The following ACTR3C variants were observed in gnomAD, a reference collection of about 807,000 sequenced individuals.
The protein encoded by ACTR3C is actin related protein 3C.
In ACTR3C, 18 loss-of-function variants were observed where a neutral mutation model predicts 26.3. That is an observed-to-expected ratio of 0.68 (90% confidence interval 0.47 to 1.01). ACTR3C has a LOEUF of 1.01. Ranked by LOEUF, ACTR3C falls within the 50% of genes least tolerant of loss-of-function variation. ACTR3C has a pLI of 0.00. For missense variants in ACTR3C, 184 were observed against 250.7 expected, an observed-to-expected ratio of 0.73 and a Z score of 1.80; for synonymous variants, 55 against 94.5, an observed-to-expected ratio of 0.58 and a Z score of 2.42.
At chr7:150,149,157 A>T in the ACTR3C span, among the ~76,000 whole-genome samples, 1 of 138,180 alleles carries the variant, frequency 7.2e-6, no homozygotes, top group Non-Finnish European at 1.5e-5. Context: ...CTCTCTTTGA[A>T]TTGCTGGATT....
At chr7:150,252,388 T>C (rs1208675735) in intron 6 of ACTR3C, among the ~76,000 whole-genome samples, 1 of 152,154 alleles carries the variant, frequency 6.6e-6, no homozygotes, top group Non-Finnish European at 1.5e-5. Flanking sequence ...TAATAAGGGC[T>C]ACAGGAGCTT....
At chr7:150,275,469 G>A (rs539748128) in intron 6 of ACTR3C, among the ~76,000 whole-genome samples, 18 of 152,298 alleles carry the variant, frequency 1.2e-4, no homozygotes, top group African/African-American at 2.2e-4. Context: ...CCAGCACTTC[G>A]GGAGGCCGAG....
At chr7:150,071,104 A>G in the ACTR3C span, among the ~76,000 whole-genome samples, 1 of 148,496 alleles carries the variant, frequency 6.7e-6, no homozygotes, top group Non-Finnish European at 1.5e-5. Flanking sequence ...CAAAATTGCT[A>G]ATTTTTGACA....
the ACTR3C span, among the ~76,000 whole-genome samples, chr7:149,910,321 G>C: frequency 6.6e-6 from 1 of 152,182 alleles, no homozygotes; most frequent in Non-Finnish European, 1.5e-5. Flanking sequence ...TCTGACAAGA[G>C]CATCTCTTCA....
At chr7:150,039,338 T>C in the ACTR3C span, among the ~76,000 whole-genome samples, 1 of 144,164 alleles carries the variant, frequency 6.9e-6, no homozygotes, top group Non-Finnish European at 1.5e-5. Flanking sequence ...TAGCTCTCAG[T>C]CCCCACCCTC....
chr7:150,265,161 A>C (rs199946958), intron 6 of ACTR3C, among the ~76,000 whole-genome samples: 2,838 of 148,058 alleles, frequency 0.019, 45 homozygotes, highest in East Asian at 0.029. Flanking sequence ...TTGTAACAGA[A>C]GACATCATCA....
the ACTR3C span, among the ~76,000 whole-genome samples, chr7:150,094,984 C>T: frequency 5.2e-3 from 752 of 143,962 alleles, 29 homozygotes; most frequent in African/African-American, 0.02. Flanking sequence ...CCAGCCCCCA[C>T]CAGCAACCAT....
chr7:149,917,635 CTT>C, the ACTR3C span, among the ~76,000 whole-genome samples: 11 of 93,638 alleles, frequency 1.2e-4, no homozygotes, highest in African/African-American at 2.7e-4. Context: ...TGTTTTACAT[CTT>C]TTTTTTTTTT....
At chr7:150,030,861 G>A in the ACTR3C span, among the ~76,000 whole-genome samples, 4 of 152,106 alleles carry the variant, frequency 2.6e-5, no homozygotes, top group Non-Finnish European at 5.9e-5. Context: ...GGTGTTCTTC[G>A]TGGCATAGAG....
chr7:150,141,336 T>G, the ACTR3C span, among the ~76,000 whole-genome samples: 1 of 152,052 alleles, frequency 6.6e-6, no homozygotes, highest in Admixed American at 6.5e-5. Context: ...CCCTCCAAAA[T>G]AGGTGGACCC....
the ACTR3C span, among the ~76,000 whole-genome samples, chr7:150,046,411 T>C: frequency 7.7e-6 from 1 of 129,232 alleles, no homozygotes; most frequent in African/African-American, 3.0e-5. Flanking sequence ...GGAAACAGCA[T>C]GGCTGGAGGC....
At position 150,266,680 on chromosome 7, in the gene ACTR3C, A is replaced by G. The variant is rs530861761; in HGVS notation, c.565-17626T>C. On this transcript the variant is annotated intron_variant, in intron 6 of 7. Coordinates refer to ENST00000683684, the MANE Select transcript of ACTR3C (RefSeq NM_001164458.2). ...AATCTGCAACACATAAATCTGACAA[A>G]GAATTTGTATCTAGGATATCTGAAG... 3.9e-5 allele frequency among the ~76,000 whole-genome samples: 6 copies of G among 152,358 alleles called. No individual in the cohort carries two copies. In the South Asian group the frequency reaches 1.2e-3, roughly 32 times the overall value.
chr7:150,177,542 CTCAT>C, the ACTR3C span, among the ~76,000 whole-genome samples: 1 of 150,814 alleles, frequency 6.6e-6, no homozygotes, highest in East Asian at 1.9e-4. Context: ...AAAACACTTC[CTCAT>C]TATTTCTACT....
At chr7:150,305,734 T>C (rs1023491003) in intron 1 of ACTR3C, among the ~76,000 whole-genome samples, 1 of 152,112 alleles carries the variant, frequency 6.6e-6, no homozygotes, top group Non-Finnish European at 1.5e-5. Context: ...AGTTCCCAGG[T>C]GCTCAGTCCA....
the ACTR3C span, among the ~76,000 whole-genome samples, chr7:149,938,995 T>G: frequency 6.7e-6 from 1 of 148,472 alleles, no homozygotes; most frequent in African/African-American, 2.5e-5. Flanking sequence ...TAATATATTT[T>G]TTGAGATAGA....
chr7:150,135,142 G>A, the ACTR3C span, among the ~76,000 whole-genome samples: 3 of 152,192 alleles, frequency 2.0e-5, no homozygotes, highest in Non-Finnish European at 2.9e-5. Flanking sequence ...CGTGGTGGTG[G>A]GCGCCTGTAG....
the ACTR3C span, among the ~76,000 whole-genome samples, chr7:149,929,935 C>T: frequency 3.9e-5 from 6 of 152,156 alleles, no homozygotes; most frequent in Non-Finnish European, 7.3e-5. Context: ...AAGAGTGAGG[C>T]GCGTCCCTAT....
chr7:150,110,763 T>G, the ACTR3C span, among the ~76,000 whole-genome samples: 1 of 84,572 alleles, frequency 1.2e-5, no homozygotes, highest in Non-Finnish European at 2.3e-5. Context: ...CGGGGCTTGC[T>G]GGGGGACTGG....
chr7:150,109,776 A>T, the ACTR3C span, among the ~76,000 whole-genome samples: 46 of 149,320 alleles, frequency 3.1e-4, no homozygotes, highest in East Asian at 1.6e-3. Flanking sequence ...AAGAGACATA[A>T]GATTTGAACA....
Sources: allele counts gnomAD v4.1 joint callset (sites outside exome capture counted in the v4.1 genomes callset), GRCh38; gene constraint gnomAD v4.1.1; transcripts MANE v1.5; gene names NCBI Gene and HGNC (gene_info 2026-07-23, HGNC 2026-07-21).